Variants in DNAJC3 observed in about 807,000 individuals in gnomAD.
The protein encoded by DNAJC3 is dnaJ homolog subfamily C member 3.
Under a neutral mutation model 68.6 loss-of-function variants are expected in DNAJC3, and 38 were observed. The observed-to-expected ratio is 0.55, with a 90% CI of 0.43 to 0.73. DNAJC3 has a LOEUF of 0.73. Among genes scored for constraint, DNAJC3 ranks in the 30% least tolerant of loss-of-function variants. The probability of loss-of-function intolerance (pLI) is 0.00; values close to 1 mark genes in which losing one functional copy is unlikely to be tolerated. For synonymous variants in DNAJC3, 203 were observed against 204.0 expected, an observed-to-expected ratio of 1.00 and a Z score of 0.04; for missense variants, 526 against 591.9, an observed-to-expected ratio of 0.89 and a Z score of 1.16.
chr13:95,697,115 T>A (rs1158672338), intron 1 of DNAJC3, among the ~76,000 whole-genome samples: 1 of 152,184 alleles, frequency 6.6e-6, no homozygotes, highest in Non-Finnish European at 1.5e-5. Context: ...CTTTATAGGA[T>A]CTGTGAGCTT....
chr13:95,772,285 A>G (rs1434237929), intron 9 of DNAJC3, among the ~76,000 whole-genome samples: 1 of 152,224 alleles, frequency 6.6e-6, no homozygotes, highest in South Asian at 2.1e-4. Context: ...CACTTTATCT[A>G]CTGTCATATT....
intron 1 of DNAJC3, among the ~76,000 whole-genome samples, chr13:95,679,219 T>TATTATTTTTTTTTTTTTA (rs1879850794): frequency 6.9e-6 from 1 of 144,860 alleles, no homozygotes; most frequent in African/African-American, 2.6e-5. Flanking sequence ...TTTTTTTTTT[T>TATTATTTTTTTTTTTTTA]TGTAATTAAC....
chr13:95,724,680 C>A (rs1030328912), intron 3 of DNAJC3, among the ~76,000 whole-genome samples: 1 of 152,180 alleles, frequency 6.6e-6, no homozygotes, highest in Non-Finnish European at 1.5e-5. Flanking sequence ...CATTGCTCCC[C>A]TAGCTCCTGG....
rs1343393989 is a variant in DNAJC3 at position 95,794,544 on chromosome 13, T to C, written c.*3514T>C. 1.3e-5 allele frequency: 2 copies of C among 152,274 alleles called. No individual in the cohort carries two copies. Among genetic ancestry groups the C allele is most frequent in the Middle Eastern group, 3.2e-3 (1 of 316 alleles). 9.4% of individuals were successfully genotyped at this position (152,274 alleles called of 1,614,324 possible). A position where few individuals can be genotyped will look rare whatever the true frequency, so the allele number is the denominator to read the frequency against. ...AATATCCTTTTTCTAAATCAGATCA[T>C]TCCTTTTTTGTTAGTGGCAGTTTAT... On this transcript the variant is annotated 3_prime_UTR_variant, in exon 12 of 12. Coordinates refer to ENST00000602402, the MANE Select transcript of DNAJC3 (RefSeq NM_006260.5).
intron 1 of DNAJC3, among the ~76,000 whole-genome samples, chr13:95,701,241 C>A (rs138299699): frequency 6.6e-6 from 1 of 152,294 alleles, no homozygotes; most frequent in Admixed American, 6.5e-5. Context: ...AATATGACTT[C>A]AGGAGCCCAC....
At chr13:95,696,545 T>TCCCCAAAAA (rs1880445156) in intron 1 of DNAJC3, among the ~76,000 whole-genome samples, 1 of 152,218 alleles carries the variant, frequency 6.6e-6, no homozygotes, top group Non-Finnish European at 1.5e-5. Context: ...CTCACCATTG[T>TCCCCAAAAA]GGAAGGCCTT....
At chr13:95,677,538 G>C (rs1879792284) in intron 1 of DNAJC3, among the ~76,000 whole-genome samples, 1 of 152,208 alleles carries the variant, frequency 6.6e-6, no homozygotes, top group Non-Finnish European at 1.5e-5. Flanking sequence ...GGCGGGCCGC[G>C]GGGCCGGGAC....
chr13:95,719,180 A>C (rs150449814), intron 2 of DNAJC3, among the ~76,000 whole-genome samples: 26 of 152,354 alleles, frequency 1.7e-4, no homozygotes, highest in African/African-American at 6.3e-4. Context: ...TAGATGGAAG[A>C]GATGCATAGG....
In DNAJC3 at chr13:95,791,518, A is replaced by C. The variant is rs2139703534; in HGVS notation, c.*488A>C. ...GTGCTTCGATGTGGTCAGTCTCGTC[A>C]CTTGTGAGTAGCTGTGAAATCTTTA... On this transcript the variant is annotated 3_prime_UTR_variant, in exon 12 of 12. Coordinates refer to ENST00000602402, the MANE Select transcript of DNAJC3 (RefSeq NM_006260.5). The C allele has an allele frequency of 6.1e-6, 1 of 163,442 alleles. No individual in the cohort carries two copies. The highest frequency in any genetic ancestry group is 1.9e-4 in the East Asian group (1 of 5,318). 10.1% of individuals were successfully genotyped at this position (163,442 alleles called of 1,614,324 possible).
intron 9 of DNAJC3, among the ~76,000 whole-genome samples, chr13:95,777,060 A>C (rs1883312918): frequency 6.6e-6 from 1 of 152,174 alleles, no homozygotes; most frequent in South Asian, 2.1e-4. Context: ...TGGTGAGTTC[A>C]TCTTATAGTA....
intron 9 of DNAJC3, among the ~76,000 whole-genome samples, chr13:95,776,775 A>AT (rs1566512859): frequency 6.6e-6 from 1 of 151,980 alleles, no homozygotes; most frequent in Non-Finnish European, 1.5e-5. Flanking sequence ...TGTTGAGGAA[A>AT]TTTTTTAGGA....
chr13:95,712,365 T>C (rs1014781803), intron 2 of DNAJC3, among the ~76,000 whole-genome samples: 14 of 142,894 alleles, frequency 9.8e-5, no homozygotes, highest in South Asian at 4.6e-4. Context: ...TCCTAGCCAA[T>C]GCTTTTTTCT....
At chr13:95,780,537 G>T (rs973048557) in intron 9 of DNAJC3, among the ~76,000 whole-genome samples, 7 of 152,110 alleles carry the variant, frequency 4.6e-5, no homozygotes, top group Non-Finnish European at 8.8e-5. Flanking sequence ...TTCGTCTTAG[G>T]TTCATGGCTG....
intron 1 of DNAJC3, among the ~76,000 whole-genome samples, chr13:95,683,715 A>G (rs1416557667): frequency 1.3e-5 from 2 of 151,954 alleles, no homozygotes; most frequent in Admixed American, 6.6e-5. Context: ...TCACGAGGTC[A>G]GGAGTTCAAG....
chr13:95,760,205 CA>C lies in DNAJC3; in HGVS notation c.713del (p.His238ProfsTer28). ...CACACTGTACTACCAACTAGGAGAC[CA>C]CGAACTGTCCCTCAGGTCAGTTCTA... ...ISTLYYQLGD[H>X]ELSLSEVREC... On this transcript the variant is annotated frameshift_variant, in exon 6 of 12. Transcript: ENST00000602402. LOFTEE classifies it high-confidence loss of function. 1 of 1,591,934 alleles carries C rather than the reference CA, an allele frequency of 6.3e-7. No individual in the cohort carries two copies. Among genetic ancestry groups the C allele is most frequent in the Non-Finnish European group, 8.6e-7 (1 of 1,168,948 alleles).
chr13:95,709,289 G>A lies in DNAJC3; in HGVS notation c.145G>A (p.Ala49Thr). Reference sequence around the variant, plus strand: ...TCTTGAATTGGGCAAGAAATTACTTGCAGCTGGACAGCTAGCTGATGCTTT... The same window carrying A: ...TCTTGAATTGGGCAAGAAATTACTTACAGCTGGACAGCTAGCTGATGCTTT... ...KHLELGKKLL[A>T]AGQLADALSQ... is the part of the protein sequence containing the mutation. The change falls in exon 2 of 12, where the codon GCA becomes ACA. Residue 49 changes from alanine to threonine, a missense_variant. By Grantham distance (58) the Ala-to-Thr change is moderately conservative. Transcript: ENST00000602402. 6.3e-7 allele frequency: 1 copy of A among 1,588,088 alleles called. No homozygotes were observed.
chr13:95,739,618 G>A (rs1007181770), intron 4 of DNAJC3, among the ~76,000 whole-genome samples: 5 of 151,984 alleles, frequency 3.3e-5, no homozygotes, highest in African/African-American at 1.2e-4. Context: ...GATCGTATTG[G>A]CTCCTGAGGC....
chr13:95,688,927 G>GGTGT (rs57546561), intron 1 of DNAJC3, among the ~76,000 whole-genome samples: 161 of 129,746 alleles, frequency 1.2e-3, no homozygotes, highest in Admixed American at 3.3e-3. Flanking sequence ...TGATTGTGTG[G>GGTGT]GTGTGTGTGT....
At chr13:95,768,212 T>C (rs1295692002) in intron 9 of DNAJC3, among the ~76,000 whole-genome samples, 1 of 152,190 alleles carries the variant, frequency 6.6e-6, no homozygotes, top group African/African-American at 2.4e-5. Flanking sequence ...CTTTTTACTC[T>C]ACTTATCTGT....
Sources: gnomAD v4.1 joint callset for allele counts (sites outside exome capture counted in the v4.1 genomes callset) on GRCh38, gnomAD v4.1.1 for gene constraint, MANE v1.5 for transcripts, NCBI Gene and HGNC (gene_info 2026-07-23, HGNC 2026-07-21) for gene names.